Variants in ZBTB20 observed in about 807,000 individuals in gnomAD.
ZBTB20 encodes the protein zinc finger and BTB domain containing 20.
Under a neutral mutation model 56.9 loss-of-function variants are expected in ZBTB20, and 9 were observed. The ratio of observed to expected loss-of-function variants is 0.16; its 90% confidence interval spans 0.10 to 0.28. The LOEUF (loss-of-function observed/expected upper bound fraction) is 0.28. Ranked by LOEUF, ZBTB20 falls within the 10% of genes least tolerant of loss-of-function variation. ZBTB20 has a pLI of 1.00. For synonymous variants in ZBTB20, 417 were observed against 420.7 expected, an observed-to-expected ratio of 0.99 and a Z score of 0.11; for missense variants, 655 against 1,003.0, an observed-to-expected ratio of 0.65 and a Z score of 4.69.
intron 1 of ZBTB20, among the ~76,000 whole-genome samples, chr3:115,099,479 A>AATTT (rs2083498764): frequency 6.6e-6 from 1 of 152,228 alleles, no homozygotes; most frequent in Non-Finnish European, 1.5e-5. Flanking sequence ...GTTAGAAAAC[A>AATTT]GAATACCTTA....
Position 114,368,090 on chromosome 3 carries a change from C to T in ZBTB20, c.199+12127G>A, listed in dbSNP as rs528855641. On this transcript the variant is annotated intron_variant, in intron 10 of 11. Coordinates refer to ENST00000675478, the MANE Select transcript of ZBTB20 (RefSeq NM_001348800.3). ...GACACTCAAATTCACGGAGCGCTGG[C>T]TGTTTTTCTGGTGCTGCTTTAAGGG... Among the ~76,000 whole-genome samples, 381 of 152,302 alleles carry T rather than the reference C, an allele frequency of 2.5e-3. 1 individual carries two copies. The highest frequency in any genetic ancestry group is 4.8e-3 in the Non-Finnish European group (328 of 68,030).
At chr3:114,897,395 GA>G (rs1457551587) in intron 4 of ZBTB20, among the ~76,000 whole-genome samples, 1 of 151,818 alleles carries the variant, frequency 6.6e-6, no homozygotes, top group South Asian at 2.1e-4. Context: ...AAAGAAGGGG[GA>G]AAAAAGAAAT....
At chr3:115,100,335 GGAAGAGAGAGA>G (rs1039357669) in intron 1 of ZBTB20, 1 of 151,712 alleles carries the variant, frequency 6.6e-6, no homozygotes, top group Non-Finnish European at 1.5e-5. Context: ...CACAGAGACG[GGAAGAGAGAGA>G]GAGAGCAAGA....
rs142137558 is a variant in ZBTB20, at chr3:114,711,103, T to C, written c.-342-17528A>G. 7.7e-3 allele frequency among the ~76,000 whole-genome samples: 1,173 copies of C among 152,308 alleles called. 11 individuals carry two copies. Among genetic ancestry groups the C allele is most frequent in the African/African-American group, 0.026 (1,064 of 41,560 alleles). Reference sequence around the variant, plus strand: ...GTGAGACCTTTCCTACTTACCCTATTTCAAATAGCACTTTCTAAATTATAT... The same window carrying C: ...GTGAGACCTTTCCTACTTACCCTATCTCAAATAGCACTTTCTAAATTATAT... On this transcript the variant is annotated intron_variant, in intron 5 of 11. Transcript: ENST00000675478.
chr3:114,937,299 T>G (rs544632485), intron 3 of ZBTB20, among the ~76,000 whole-genome samples: 1 of 152,338 alleles, frequency 6.6e-6, no homozygotes, highest in South Asian at 2.1e-4. Flanking sequence ...GACTTTTTAA[T>G]GGTCGCCATT....
intron 5 of ZBTB20, among the ~76,000 whole-genome samples, chr3:114,733,386 C>T (rs1448497683): frequency 8.5e-5 from 13 of 152,130 alleles, no homozygotes; most frequent in Non-Finnish European, 1.3e-4. Context: ...TTTCTAGTTC[C>T]GGTTGCTCTA....
intron 2 of ZBTB20, among the ~76,000 whole-genome samples, chr3:114,984,261 A>G (rs766206520): frequency 2.0e-5 from 3 of 151,946 alleles, no homozygotes; most frequent in Admixed American, 6.6e-5. Context: ...ATACATATAT[A>G]TATTTTTATT....
intron 2 of ZBTB20, among the ~76,000 whole-genome samples, chr3:114,988,904 G>C (rs1277972175): frequency 6.6e-6 from 1 of 152,134 alleles, no homozygotes; most frequent in Non-Finnish European, 1.5e-5. Flanking sequence ...GTCTTCTTTT[G>C]AGAAGTGTCT....
chr3:114,865,244 A>G (rs769234149), intron 4 of ZBTB20, among the ~76,000 whole-genome samples: 3 of 152,148 alleles, frequency 2.0e-5, no homozygotes, highest in Non-Finnish European at 4.4e-5. Flanking sequence ...ACCCATTTCC[A>G]TGGTTTTTAG....
rs931036023 is a variant in ZBTB20 at position 114,329,628 on chromosome 3, C to A, written c.*9377G>T. On this transcript the variant is annotated 3_prime_UTR_variant, in exon 12 of 12. Coordinates refer to ENST00000675478, the MANE Select transcript of ZBTB20 (RefSeq NM_001348800.3). Reference sequence around the variant, plus strand: ...ACGGATTCCTCAGATTTAAAAATGTCTCAGATAGATATTTCCAAATTCTAT... The same window carrying A: ...ACGGATTCCTCAGATTTAAAAATGTATCAGATAGATATTTCCAAATTCTAT... 7.1e-6 allele frequency: 1 copy of A among 140,186 alleles called. No homozygotes were observed. Among genetic ancestry groups the A allele is most frequent in the Non-Finnish European group, 1.5e-5 (1 of 66,338 alleles). The allele number at this position is 140,186 out of a possible 1,614,324, so 8.7% of individuals were successfully genotyped here.
At chr3:114,906,242 G>C (rs1466806970) in intron 3 of ZBTB20, among the ~76,000 whole-genome samples, 1 of 151,794 alleles carries the variant, frequency 6.6e-6, no homozygotes, top group African/African-American at 2.4e-5. Context: ...TTTCAATCAA[G>C]AGACTATAAA....
intron 7 of ZBTB20, among the ~76,000 whole-genome samples, chr3:114,401,709 T>G (rs762354478): frequency 6.6e-6 from 1 of 152,094 alleles, no homozygotes; most frequent in Non-Finnish European, 1.5e-5. Context: ...GGTCTTTTTA[T>G]ACTTGATCCC....
chr3:115,017,935 G>T (rs1006416025), intron 2 of ZBTB20, among the ~76,000 whole-genome samples: 1 of 151,316 alleles, frequency 6.6e-6, no homozygotes, highest in Non-Finnish European at 1.5e-5. Flanking sequence ...ACTAAATTGT[G>T]GTTATTTCTG....
intron 3 of ZBTB20, among the ~76,000 whole-genome samples, chr3:114,963,420 G>A (rs2077528765): frequency 6.6e-6 from 1 of 152,048 alleles, no homozygotes. Flanking sequence ...AGCTGCTTCT[G>A]GAGAACAAAG....
At chr3:114,970,189 G>A (rs2077815706) in intron 3 of ZBTB20, among the ~76,000 whole-genome samples, 1 of 152,070 alleles carries the variant, frequency 6.6e-6, no homozygotes, top group South Asian at 2.1e-4. Flanking sequence ...TAAATATACA[G>A]CTACCACACA....
At chr3:114,955,598 T>C (rs980817152) in intron 3 of ZBTB20, among the ~76,000 whole-genome samples, 1 of 152,138 alleles carries the variant, frequency 6.6e-6, no homozygotes, top group Non-Finnish European at 1.5e-5. Context: ...CTTGAAATCA[T>C]CCACAGAGAT....
chr3:114,550,844 G>A (rs1358408021), intron 6 of ZBTB20, among the ~76,000 whole-genome samples: 1 of 152,252 alleles, frequency 6.6e-6, no homozygotes, highest in East Asian at 1.9e-4. Flanking sequence ...TCTGCCTCCT[G>A]GGTTCAAGCG....
At chr3:114,479,507 A>G (rs1310008190) in intron 7 of ZBTB20, among the ~76,000 whole-genome samples, 2 of 152,232 alleles carry the variant, frequency 1.3e-5, no homozygotes, top group Non-Finnish European at 1.5e-5. Context: ...TCACGTCTAC[A>G]TATGTACACC....
intron 7 of ZBTB20, among the ~76,000 whole-genome samples, chr3:114,447,440 C>T (rs2091337190): frequency 6.6e-6 from 1 of 152,150 alleles, no homozygotes; most frequent in South Asian, 2.1e-4. Context: ...TAAGTGTATT[C>T]CACAATAACT....
Sources: gnomAD v4.1 joint callset for allele counts (sites outside exome capture counted in the v4.1 genomes callset) on GRCh38, gnomAD v4.1.1 for gene constraint, MANE v1.5 for transcripts, NCBI Gene and HGNC (gene_info 2026-07-23, HGNC 2026-07-21) for gene names.